Variants in KIF3A observed in about 807,000 individuals in gnomAD.
The protein encoded by KIF3A is kinesin family member 3A, also known as kinesin-like protein KIF3A.
KIF3A carries 27 observed loss-of-function variants against 92.6 expected under a neutral mutation model. That is an observed-to-expected ratio of 0.29 (90% CI 0.21 to 0.40). The LOEUF is 0.40. Ranked by LOEUF, KIF3A falls within the 10% of genes least tolerant of loss-of-function variation. The pLI is 1.00. For synonymous variants in KIF3A, 250 were observed against 275.4 expected (o/e 0.91, Z 0.92); for missense variants, 581 against 872.6 (o/e 0.67, Z 4.21).
At chr5:132,691,129 T>C (rs1034978504), downstream of KIF3A, among the ~76,000 whole-genome samples, 5 of 152,242 alleles carry the variant, frequency 3.3e-5, no homozygotes, top group Admixed American at 1.3e-4. Flanking sequence ...ATCATGGCAC[T>C]GTTACCACTA....
At chr5:132,727,420 G>A (rs138565435) in intron 2 of KIF3A, among the ~76,000 whole-genome samples, 6 of 152,284 alleles carry the variant, frequency 3.9e-5, no homozygotes, top group East Asian at 1.9e-4. Context: ...AAAGGAGAGG[G>A]GGTCAGGGAG....
chr5:132,702,412 ATAAAAT>A, intron 14 of KIF3A, 140 bp downstream of exon 14: 1 of 648,458 alleles, frequency 1.5e-6, no homozygotes, highest in Non-Finnish European at 2.5e-6. Flanking sequence ...AGACTAATAG[ATAAAAT>A]TAAAAATTGC....
At chr5:132,734,058 G>C (rs779502381) in intron 2 of KIF3A, 147 bp downstream of exon 2, 17 of 660,176 alleles carry the variant, frequency 2.6e-5, no homozygotes, top group Middle Eastern at 4.2e-4. Flanking sequence ...GGATGACAAG[G>C]GTGTTCTAAA....
At chr5:132,691,628 C>T, downstream of KIF3A, among the ~76,000 whole-genome samples, 1 of 151,716 alleles carries the variant, frequency 6.6e-6, no homozygotes, top group Non-Finnish European at 1.5e-5. Flanking sequence ...TCCAGCTGGG[C>T]ACAGTAGCTC....
chr5:132,712,917 T>C (rs754898732), intron 8 of KIF3A, among the ~76,000 whole-genome samples: 1 of 152,142 alleles, frequency 6.6e-6, no homozygotes, highest in Non-Finnish European at 1.5e-5. Flanking sequence ...CCCAGCACTT[T>C]GAGATGCCGA....
chr5:132,704,288 G>A (rs1010344270), intron 11 of KIF3A, among the ~76,000 whole-genome samples: 1 of 151,858 alleles, frequency 6.6e-6, no homozygotes. Flanking sequence ...CAGTTGCTGA[G>A]CTGTCAAGAT....
intron 5 of KIF3A, among the ~76,000 whole-genome samples, chr5:132,718,826 G>A (rs1019025693): frequency 1.5e-4 from 22 of 151,654 alleles, no homozygotes; most frequent in Non-Finnish European, 5.9e-5. Context: ...ATGGGGTTTC[G>A]CCATGTTGCA....
chr5:132,690,921 T>TA (rs1040416002), downstream of KIF3A, among the ~76,000 whole-genome samples: 37 of 150,840 alleles, frequency 2.5e-4, no homozygotes, highest in African/African-American at 8.0e-4. Context: ...ATCAAGACTC[T>TA]AAAAAAAAAT....
chr5:132,700,819 G>A, intron 15 of KIF3A, 119 bp from the exon 16 acceptor site: 1 of 557,716 alleles, frequency 1.8e-6, no homozygotes, highest in South Asian at 3.0e-5. Flanking sequence ...ATTATATACT[G>A]ATATAACCTT....
rs1752719952 is a variant in KIF3A at position 132,693,188 on chromosome 5, C to T, written c.*3446G>A. The T allele has an allele frequency of 6.6e-6, 1 of 151,672 alleles. No individual in the cohort carries two copies. The highest frequency in any genetic ancestry group is 1.5e-5 in the Non-Finnish European group (1 of 67,962). 9.4% of individuals were successfully genotyped at this position (151,672 alleles called of 1,614,324 possible). The stretch of plus-strand genomic sequence containing the variant: ...CTGTAAAAAGAAAAAAAAAACAACT[C>T]CCTTTCTCCAGAAAGGAAATGAAAT... On this transcript the variant is annotated 3_prime_UTR_variant, in exon 19 of 19. Transcript: ENST00000403231.
chr5:132,724,856 TTAAA>T (rs1212703250), intron 4 of KIF3A, among the ~76,000 whole-genome samples: 8 of 24,126 alleles, frequency 3.3e-4, no homozygotes, highest in African/African-American at 7.0e-4. Context: ...TATATATATA[TTAAA>T]AAATCATTCT....
chr5:132,734,292 T>C lies in KIF3A; in HGVS notation c.193A>G (p.Thr65Ala). The C allele has an allele frequency of 6.2e-7, 1 of 1,614,040 alleles. No homozygotes were observed. The highest frequency in any genetic ancestry group is 1.3e-5 in the African/African-American group (1 of 75,052). ...TGTTTACTCTCTGGTCCAAAAACAGTATCAAAAGTAAATGTCTTTGGAGGT... is the reference window on the plus strand; with the variant it reads ...TGTTTACTCTCTGGTCCAAAAACAGCATCAAAAGTAAATGTCTTTGGAGGT... Reference protein sequence around the residue: ...NEPPKTFTFDTVFGPESKQLD... With the variant: ...NEPPKTFTFDAVFGPESKQLD... Residue 65 changes from threonine (T) to alanine (A), a missense_variant, in exon 2 of 19, where the codon ACT (threonine) becomes GCT (alanine). Physicochemically the swap from Thr to Ala is moderately conservative, Grantham distance 58. Transcript: ENST00000403231.
At chr5:132,706,826 G>A (rs1753228760) in intron 10 of KIF3A, among the ~76,000 whole-genome samples, 2 of 152,094 alleles carry the variant, frequency 1.3e-5, no homozygotes, top group Non-Finnish European at 2.9e-5. Flanking sequence ...GCTAAGATCT[G>A]GGAAGTAATC....
Position 132,695,669 on chromosome 5 carries a change from AAT to A in KIF3A, c.*963_*964del, listed in dbSNP as rs1752808829. On this transcript the variant is annotated 3_prime_UTR_variant, in exon 19 of 19. Transcript: ENST00000403231. ...TTTTATTTTTAAAATAGAAAAACAA[AAT>A]AAAAAAGTGTTTTAAAGGCAAAGTA... The A allele has an allele frequency of 4.0e-5, 1 of 25,192 alleles. No homozygotes were observed. Among genetic ancestry groups the A allele is most frequent in the Non-Finnish European group, 6.9e-5 (1 of 14,574 alleles). The allele number at this position is 25,192 out of a possible 1,614,324, so 1.6% of individuals were successfully genotyped here.
chr5:132,716,898 T>C lies in KIF3A; in HGVS notation c.703A>G (p.Ile235Val), dbSNP rs1753644939. 1.2e-6 allele frequency: 2 copies of C among 1,614,058 alleles called. No homozygotes were observed. The highest frequency in any genetic ancestry group is 1.7e-6 in the Non-Finnish European group (2 of 1,179,938). The part of the protein sequence containing the change: ...TITIECSEKG[I>V]DGNMHVRMGK... ...ATCCTGACATGCATGTTACCATCAA[T>C]GCCTTTTTCACTGCATTCTATAGTA... The change falls in exon 6 of 19, where the codon ATT becomes GTT. Residue 235 changes from isoleucine (I) to valine (V), a missense_variant. By Grantham distance (29) the Ile-to-Val change is conservative (BLOSUM62 3). Transcript: ENST00000403231.
intron 15 of KIF3A, 113 bp downstream of exon 15, chr5:132,701,974 A>C (rs1262641734): frequency 8.6e-6 from 10 of 1,167,864 alleles, no homozygotes; most frequent in Non-Finnish European, 1.2e-5. Flanking sequence ...TTTGTTCAAA[A>C]AATTGTACAT....
intron 18 of KIF3A, among the ~76,000 whole-genome samples, 181 bp downstream of exon 18, chr5:132,698,990 G>A (rs1402420263): frequency 6.6e-6 from 1 of 152,008 alleles, no homozygotes; most frequent in South Asian, 2.1e-4. Context: ...CACCTGCCTC[G>A]GCCTCCCAAA....
intron 8 of KIF3A, among the ~76,000 whole-genome samples, chr5:132,714,386 T>C (rs150270533): frequency 1.3e-5 from 2 of 152,186 alleles, no homozygotes; most frequent in African/African-American, 2.4e-5. Flanking sequence ...CACAGAAATG[T>C]AGACTTAAAT....
intron 4 of KIF3A, among the ~76,000 whole-genome samples, chr5:132,723,985 T>C (rs1261868957): frequency 1.3e-5 from 2 of 151,824 alleles, no homozygotes; most frequent in African/African-American, 2.4e-5. Context: ...AAAAAGTGGG[T>C]GAAGGATATG....
Sources: allele counts gnomAD v4.1 joint callset (sites outside exome capture counted in the v4.1 genomes callset), GRCh38; gene constraint gnomAD v4.1.1; transcripts MANE v1.5; gene names NCBI Gene and HGNC (gene_info 2026-07-23, HGNC 2026-07-21).